Variants in RUNX1 observed in about 807,000 individuals in gnomAD.
The protein encoded by RUNX1 is runt-related transcription factor 1.
Under a neutral mutation model 42.8 loss-of-function variants are expected in RUNX1, and 19 were observed. That is an observed-to-expected ratio of 0.44 (90% CI 0.31 to 0.65). RUNX1 has a LOEUF of 0.65. Ranked by LOEUF, RUNX1 falls within the 30% of genes least tolerant of loss-of-function variation. RUNX1 has a pLI of 0.07. For synonymous variants in RUNX1, 271 were observed against 289.4 expected, an observed-to-expected ratio of 0.94 and a Z score of 0.64; for missense variants, 528 against 672.0, an observed-to-expected ratio of 0.79 and a Z score of 2.37.
chr21:34,838,348 T>C (rs942985738), intron 6 of RUNX1, among the ~76,000 whole-genome samples: 3 of 152,234 alleles, frequency 2.0e-5, no homozygotes, highest in African/African-American at 7.2e-5. Context: ...AACAACATAT[T>C]AGTCTATGTT....
chr21:34,787,811 G>C lies in RUNX1; in HGVS notation c.*4324C>G, dbSNP rs1258255496. 2 of 231,580 alleles carry C rather than the reference G, an allele frequency of 8.6e-6. No homozygotes were observed. Among genetic ancestry groups the C allele is most frequent in the Non-Finnish European group, 1.7e-5 (2 of 117,114 alleles). 14.3% of individuals were successfully genotyped at this position (231,580 alleles called of 1,614,324 possible). On this transcript the variant is annotated 3_prime_UTR_variant, in exon 9 of 9. Coordinates refer to ENST00000675419, the MANE Select transcript of RUNX1 (RefSeq NM_001754.5). ...ACAAAACCAATTGGATATGGTGTAT[G>C]TACTTGTCAAACTGTTTATTTGCCA... is the stretch of plus-strand genomic sequence containing the variant.
At chr21:35,000,341 C>T (rs1569145219) in intron 2 of RUNX1, among the ~76,000 whole-genome samples, 1 of 150,340 alleles carries the variant, frequency 6.7e-6, no homozygotes, top group South Asian at 2.1e-4. Context: ...CCCGGGTTCA[C>T]GCCATTCTCC....
chr21:34,849,505 C>A (rs1487573258), intron 6 of RUNX1, among the ~76,000 whole-genome samples: 1 of 107,562 alleles, frequency 9.3e-6, no homozygotes, highest in Non-Finnish European at 1.8e-5. Flanking sequence ...ATTAGCTTGG[C>A]TTTCACCTAT....
chr21:34,824,061 G>C (rs996440280), intron 7 of RUNX1, among the ~76,000 whole-genome samples: 1 of 152,210 alleles, frequency 6.6e-6, no homozygotes, highest in South Asian at 2.1e-4. Context: ...CCTGTGTCTG[G>C]AGGCAGTGGC....
At chr21:35,001,807 TA>T (rs2059046563) in intron 2 of RUNX1, among the ~76,000 whole-genome samples, 1 of 152,186 alleles carries the variant, frequency 6.6e-6, no homozygotes, top group South Asian at 2.1e-4. Flanking sequence ...GCTTGTAGAA[TA>T]TATAGAAACA....
intron 2 of RUNX1, among the ~76,000 whole-genome samples, chr21:35,034,272 G>C (rs950630482): frequency 6.6e-6 from 1 of 152,250 alleles, no homozygotes; most frequent in African/African-American, 2.4e-5. Flanking sequence ...CAGCAGGCCA[G>C]AGTCATGGCT....
intron 2 of RUNX1, among the ~76,000 whole-genome samples, chr21:34,974,952 C>T (rs1481736704): frequency 2.0e-5 from 3 of 151,964 alleles, no homozygotes; most frequent in African/African-American, 4.8e-5. Context: ...AAGTTCTCAC[C>T]GTATTTTATA....
rs146154305 is a variant in RUNX1, at chr21:34,953,310, A to T, written c.59-60347T>A. Among the ~76,000 whole-genome samples, 195 of 152,306 alleles carry T rather than the reference A, an allele frequency of 1.3e-3. 2 individuals carry two copies. Among genetic ancestry groups the T allele is most frequent in the African/African-American group, 4.5e-3 (187 of 41,558 alleles). On this transcript the variant is annotated intron_variant, in intron 2 of 8. Coordinates refer to ENST00000675419, the MANE Select transcript of RUNX1 (RefSeq NM_001754.5). ...GAACCCTGATTTTGTTGAGGATAACAGTGTGCTTAGGTAAGAGATGTCATT... is the reference window on the plus strand; with the variant it reads ...GAACCCTGATTTTGTTGAGGATAACTGTGTGCTTAGGTAAGAGATGTCATT...
intron 5 of RUNX1, among the ~76,000 whole-genome samples, chr21:34,873,594 G>A (rs553860554): frequency 3.7e-4 from 57 of 152,364 alleles, no homozygotes; most frequent in South Asian, 1.5e-3. Flanking sequence ...CAGAATGGCC[G>A]TGAGCCTCTC....
chr21:34,999,512 C>T (rs1231208349), intron 2 of RUNX1, among the ~76,000 whole-genome samples: 1 of 152,210 alleles, frequency 6.6e-6, no homozygotes. Flanking sequence ...TCTTTCCAAA[C>T]TCCTTCCAGA....
chr21:35,038,572 C>CCT (rs59976658), intron 2 of RUNX1: 4,822 of 333,786 alleles, frequency 0.014, 54 homozygotes, highest in East Asian at 0.02. Context: ...TGAATGCTGG[C>CCT]CTCTCTCTCT....
intron 2 of RUNX1, among the ~76,000 whole-genome samples, chr21:35,025,066 A>G (rs989265249): frequency 5.3e-5 from 8 of 152,226 alleles, no homozygotes; most frequent in African/African-American, 1.7e-4. Flanking sequence ...GAAGATGTTT[A>G]AAGTAATAAT....
intron 2 of RUNX1, among the ~76,000 whole-genome samples, chr21:35,004,613 T>C (rs2059070270): frequency 6.6e-6 from 1 of 152,226 alleles, no homozygotes; most frequent in Admixed American, 6.5e-5. Context: ...GAAGTAATCA[T>C]TTAATTTTCC....
intron 2 of RUNX1, among the ~76,000 whole-genome samples, chr21:34,929,331 C>T (rs1045615953): frequency 6.6e-6 from 1 of 152,112 alleles, no homozygotes; most frequent in Non-Finnish European, 1.5e-5. Flanking sequence ...CAGTTTATCA[C>T]CTGGAAATAG....
intron 2 of RUNX1, among the ~76,000 whole-genome samples, chr21:34,974,562 G>T (rs1373501872): frequency 6.6e-6 from 1 of 152,148 alleles, no homozygotes; most frequent in Non-Finnish European, 1.5e-5. Context: ...ACCTGAAACT[G>T]AGGGTTCAGA....
At chr21:34,837,545 T>C (rs1404592235) in intron 6 of RUNX1, among the ~76,000 whole-genome samples, 1 of 152,250 alleles carries the variant, frequency 6.6e-6, no homozygotes, top group Non-Finnish European at 1.5e-5. Context: ...GGAAAATGAA[T>C]ACTTTATGTC....
chr21:34,809,741 T>G (rs930126591), intron 7 of RUNX1, among the ~76,000 whole-genome samples: 3 of 151,988 alleles, frequency 2.0e-5, no homozygotes, highest in Non-Finnish European at 2.9e-5. Flanking sequence ...CAGATACAGT[T>G]AAGAGCTGTC....
At chr21:34,803,557 AAATAAT>A (rs1300246015) in intron 7 of RUNX1, among the ~76,000 whole-genome samples, 1 of 150,906 alleles carries the variant, frequency 6.6e-6, no homozygotes, top group Admixed American at 6.6e-5. Context: ...AGAAAAAAAA[AAATAAT>A]AATAAATAAA....
At chr21:34,978,524 A>G (rs892293078) in intron 2 of RUNX1, among the ~76,000 whole-genome samples, 3 of 152,178 alleles carry the variant, frequency 2.0e-5, no homozygotes, top group Admixed American at 6.5e-5. Flanking sequence ...TTAGGGATCT[A>G]TTTTTACCAG....
Sources: allele counts gnomAD v4.1 joint callset (sites outside exome capture counted in the v4.1 genomes callset), GRCh38; gene constraint gnomAD v4.1.1; transcripts MANE v1.5; gene names NCBI Gene and HGNC (gene_info 2026-07-23, HGNC 2026-07-21).